USP40: variants seen among roughly 807,000 people sequenced by gnomAD.
The protein encoded by USP40 is ubiquitin carboxyl-terminal hydrolase 40.
USP40 carries 143 observed loss-of-function variants against 166.2 expected under a neutral mutation model. The ratio of observed to expected loss-of-function variants is 0.86; its 90% CI spans 0.75 to 0.99. The LOEUF (loss-of-function observed/expected upper bound fraction) is 0.99. Ranked by LOEUF, USP40 falls within the 50% of genes least tolerant of loss-of-function variation. The pLI, the probability that USP40 is intolerant of heterozygous loss-of-function variation, is 0.00. For synonymous variants in USP40, 498 were observed against 524.0 expected (o/e 0.95, Z 0.68); for missense variants, 1,444 against 1,479.7 (o/e 0.98, Z 0.40).
At chr2:233,511,831 T>A (rs1256735743) in intron 19 of USP40, 34 bp from the exon 20 acceptor site, 1 of 1,490,592 alleles carries the variant, frequency 6.7e-7, no homozygotes, top group Non-Finnish European at 9.2e-7. Flanking sequence ...ATGAAGGTTA[T>A]TAATTCCTAG....
chr2:233,480,058 C>A lies in USP40; in HGVS notation c.3599+1145G>T, dbSNP rs2064467683. On this transcript the variant is annotated intron_variant, in intron 31 of 31. Coordinates refer to ENST00000678225, the MANE Select transcript of USP40 (RefSeq NM_001365479.2). This position sits in a 1 kb window ranked among gnomAD's most constrained non-coding sequence, Gnocchi z 4.5. ...TCATGTCAACGCGTCCCCCTTCACA[C>A]CCTCCAGCAGCCTCTAACCACGCTC... 6.6e-6 allele frequency among the ~76,000 whole-genome samples: 1 copy of A among 152,222 alleles called. No individual in the cohort carries two copies. Among genetic ancestry groups the A allele is most frequent in the South Asian group, 2.1e-4 (1 of 4,828 alleles).
intron 1 of USP40, among the ~76,000 whole-genome samples, chr2:233,565,855 GA>G (rs2072096255): frequency 6.6e-6 from 1 of 152,090 alleles, no homozygotes; most frequent in African/African-American, 2.4e-5. Flanking sequence ...ATGACATAAC[GA>G]AAGAAGGGCA....
chr2:233,532,265 T>C (rs1489866726), intron 11 of USP40, among the ~76,000 whole-genome samples: 1 of 152,178 alleles, frequency 6.6e-6, no homozygotes, highest in Non-Finnish European at 1.5e-5. Flanking sequence ...GCCAGCTATG[T>C]CTTCGTTTGC....
At chr2:233,511,310 CTGAG>C (rs554731030) in intron 20 of USP40, among the ~76,000 whole-genome samples, 5 of 152,154 alleles carry the variant, frequency 3.3e-5, no homozygotes, top group South Asian at 2.1e-4. Flanking sequence ...TAAAATGCTA[CTGAG>C]TGTTAGACTT....
At chr2:233,501,733 G>A (rs1026522688) in intron 21 of USP40, among the ~76,000 whole-genome samples, 1 of 152,212 alleles carries the variant, frequency 6.6e-6, no homozygotes, top group Non-Finnish European at 1.5e-5. Flanking sequence ...AAATGGAGTT[G>A]CCATTAACTG....
intron 4 of USP40, among the ~76,000 whole-genome samples, chr2:233,558,371 TA>T (rs369795373): frequency 0.014 from 2,008 of 141,208 alleles, 36 homozygotes; most frequent in East Asian, 0.087. Flanking sequence ...ATGACTAGAT[TA>T]AAAAAAAAAA....
At position 233,486,812 on chromosome 2, in the gene USP40, C is replaced by G. The variant is rs554907459; in HGVS notation, c.3198-835G>C. 2.0e-5 allele frequency among the ~76,000 whole-genome samples: 3 copies of G among 152,260 alleles called. No individual in the cohort carries two copies. The highest frequency in any genetic ancestry group is 7.2e-5 in the African/African-American group (3 of 41,544). On this transcript the variant is annotated intron_variant, in intron 28 of 31. Coordinates refer to ENST00000678225, the MANE Select transcript of USP40 (RefSeq NM_001365479.2). The surrounding 1 kb of genome is among the most constrained non-coding windows in gnomAD (Gnocchi z 4.0). ...GCAGAGGCTGCACAGCCCCATGTCC[C>G]CATGGGGGAGGGGGCTGCTGGCCAG...
At position 233,485,567 on chromosome 2, in the gene USP40, C is replaced by T. The variant is rs759989342; in HGVS notation, c.3468G>A (p.Pro1156=). The change falls in exon 30 of 32, where the codon CCG becomes CCA. Residue 1156 remains proline (P), a synonymous_variant. Coordinates refer to ENST00000678225, the MANE Select transcript of USP40 (RefSeq NM_001365479.2). Reference sequence around the variant, plus strand: ...TAGTATCTCCGTCTTTCAAGTAATACGGTGCCCCTTGCAAATAATCTTGTT... The same window carrying T: ...TAGTATCTCCGTCTTTCAAGTAATATGGTGCCCCTTGCAAATAATCTTGTT... ...KKKQDYLQGA[P]YYLKDGDTIG... is the part of the protein sequence containing the mutation. 61 of 1,613,772 alleles carry T rather than the reference C, an allele frequency of 3.8e-5. 1 individual carries two copies. Among genetic ancestry groups the T allele is most frequent in the South Asian group, 3.6e-4 (33 of 91,054 alleles).
In USP40 at chr2:233,550,346, A is replaced by G. The variant is rs190989672; in HGVS notation, c.837+1030T>C. 4.2e-3 allele frequency among the ~76,000 whole-genome samples: 638 copies of G among 152,262 alleles called. 1 individual carries two copies. The highest frequency in any genetic ancestry group is 6.9e-3 in the Non-Finnish European group (467 of 67,976). On this transcript the variant is annotated intron_variant, in intron 7 of 31. Coordinates refer to ENST00000678225, the MANE Select transcript of USP40 (RefSeq NM_001365479.2). The stretch of plus-strand genomic sequence containing the variant: ...TCAATTATTTCAGTTTTGTTACATC[A>G]AAGTATGTTAAAAATCATGTGACAA...
chr2:233,506,698 C>T (rs922518600), intron 21 of USP40, among the ~76,000 whole-genome samples: 31 of 145,236 alleles, frequency 2.1e-4, no homozygotes, highest in African/African-American at 7.6e-4. Context: ...AGTTCAAGAC[C>T]AGCCTGGGCA....
intron 21 of USP40, among the ~76,000 whole-genome samples, chr2:233,508,073 C>T (rs72982316): frequency 0.1 from 15,941 of 152,108 alleles, 854 homozygotes; most frequent in South Asian, 0.14. Flanking sequence ...GTCAATAACC[C>T]ACTTTCCCTG....
In USP40 at chr2:233,488,142, GA is replaced by G. The variant is rs148132025; in HGVS notation, c.3197+96del. 2,554 of 1,028,894 alleles carry G rather than the reference GA, an allele frequency of 2.5e-3. 43 individuals carry two copies. In the African/African-American group the frequency reaches 0.035, roughly 14 times the overall value. The allele number at this position is 1,028,894 out of a possible 1,614,324, so 63.7% of individuals were successfully genotyped here. On this transcript the variant is annotated intron_variant, in intron 28 of 31. Coordinates refer to ENST00000678225, the MANE Select transcript of USP40 (RefSeq NM_001365479.2). Reference sequence around the variant, plus strand: ...AGTTGCTAGGCTACTTAGAAGCAGTGAAAAAAATGCTACACTATGAAGTTGT... The same window carrying G: ...AGTTGCTAGGCTACTTAGAAGCAGTGAAAAAATGCTACACTATGAAGTTGT...
In USP40 at chr2:233,480,466, G is replaced by A. The variant is rs899479795; in HGVS notation, c.3599+737C>T. ...ACTTGTGGTGGTGGTGAGCTGAGCA[G>A]TGCGAACTGAGCCTCACGCCCCAGT... On this transcript the variant is annotated intron_variant, in intron 31 of 31. Transcript: ENST00000678225. The surrounding 1 kb of genome is among the most constrained non-coding windows in gnomAD (Gnocchi z 4.5). 6.6e-6 allele frequency among the ~76,000 whole-genome samples: 1 copy of A among 152,230 alleles called. No homozygotes were observed. The highest frequency in any genetic ancestry group is 2.4e-5 in the African/African-American group (1 of 41,470).
At chr2:233,506,427 C>T (rs1271580959) in intron 21 of USP40, among the ~76,000 whole-genome samples, 1 of 152,068 alleles carries the variant, frequency 6.6e-6, no homozygotes, top group Non-Finnish European at 1.5e-5. Flanking sequence ...AACACTATGA[C>T]ACTGGATTAG....
intron 8 of USP40, among the ~76,000 whole-genome samples, chr2:233,548,756 G>A (rs2070241055): frequency 6.6e-6 from 1 of 152,098 alleles, no homozygotes; most frequent in Non-Finnish European, 1.5e-5. Context: ...GTGGTAAAGG[G>A]ACCTGGTGTC....
At chr2:233,557,947 G>A (rs1028468366) in intron 4 of USP40, among the ~76,000 whole-genome samples, 8 of 141,324 alleles carry the variant, frequency 5.7e-5, no homozygotes, top group Admixed American at 3.8e-4. Flanking sequence ...CAGGGCTGCA[G>A]TGAGCTATGA....
intron 24 of USP40, among the ~76,000 whole-genome samples, chr2:233,494,642 G>A (rs1204934279): frequency 2.6e-5 from 4 of 151,538 alleles, no homozygotes; most frequent in African/African-American, 9.7e-5. Flanking sequence ...TGAGGTGGGA[G>A]GATCGATTAA....
Position 233,486,868 on chromosome 2 carries a change from A to T in USP40, c.3198-891T>A, listed in dbSNP as rs1219509273. ...GAGGCCAAGGCCTGGAGCCCAGCAC[A>T]GTGCGGCCAGAGGACAGAAAGGGCA... On this transcript the variant is annotated intron_variant, in intron 28 of 31. Transcript: ENST00000678225. This position sits in a 1 kb window ranked among gnomAD's most constrained non-coding sequence, Gnocchi z 4.0. 6.6e-6 allele frequency among the ~76,000 whole-genome samples: 1 copy of T among 152,192 alleles called. No homozygotes were observed. Among genetic ancestry groups the T allele is most frequent in the East Asian group, 1.9e-4 (1 of 5,186 alleles).
At position 233,519,620 on chromosome 2, in the gene USP40, C is replaced by G; in HGVS notation, c.2377G>C (p.Glu793Gln). Residue 793 changes from glutamate to glutamine, a missense_variant, in exon 18 of 32, where the codon GAA becomes CAA. Glu to Gln is a conservative substitution (Grantham distance 29). Transcript: ENST00000678225. ...AGAAAATGTAAATGATTACCTAGTT[C>G]CTTCATTAATTTTAATTCCTTTATG... The part of the protein sequence containing the change: ...KAIKELKLMK[E>Q]LADNSCLRPI... The G allele has an allele frequency of 4.2e-6, 6 of 1,442,712 alleles. No homozygotes were observed. Among genetic ancestry groups the G allele is most frequent in the Non-Finnish European group, 5.7e-6 (6 of 1,053,804 alleles). 89.4% of individuals were successfully genotyped at this position (1,442,712 alleles called of 1,614,324 possible).
Sources: allele counts gnomAD v4.1 joint callset (sites outside exome capture counted in the v4.1 genomes callset), GRCh38; gene constraint gnomAD v4.1.1; non-coding constraint Gnocchi (gnomAD v3.1); transcripts MANE v1.5; gene names NCBI Gene and HGNC (gene_info 2026-07-23, HGNC 2026-07-21).